ANKRD30B: variants seen among roughly 807,000 people sequenced by gnomAD.
ANKRD30B encodes the protein ankyrin repeat domain 30B, also known as ankyrin repeat domain-containing protein 30B.
In ANKRD30B, 144 loss-of-function variants were observed where a neutral mutation model predicts 202.2. The observed-to-expected ratio is 0.71, with a 90% CI of 0.62 to 0.82. The LOEUF is 0.82. Ranked by LOEUF, ANKRD30B falls within the 40% of genes least tolerant of loss-of-function variation. The pLI is 0.00. For synonymous variants in ANKRD30B, 508 were observed against 561.3 expected, an observed-to-expected ratio of 0.91 and a Z score of 1.34; for missense variants, 1,487 against 1,669.1, an observed-to-expected ratio of 0.89 and a Z score of 1.90.
At chr18:14,816,481 GA>G in intron 30 of ANKRD30B, 1 of 151,672 alleles carries the variant, frequency 6.6e-6, no homozygotes, top group Non-Finnish European at 1.5e-5. Flanking sequence ...CCGTCTCTAT[GA>G]AAAAATACAA....
the ANKRD30B span, among the ~76,000 whole-genome samples, chr18:14,929,744 G>A: frequency 6.6e-6 from 1 of 152,072 alleles, no homozygotes; most frequent in Non-Finnish European, 1.5e-5. Flanking sequence ...TCACCATTTG[G>A]GGATTGGTGG....
chr18:14,922,988 G>T, the ANKRD30B span, among the ~76,000 whole-genome samples: 9 of 152,162 alleles, frequency 5.9e-5, 1 homozygote, highest in African/African-American at 2.2e-4. Context: ...CCTGGAATAC[G>T]TATCTAGACA....
intron 32 of ANKRD30B, chr18:14,825,150 C>T (rs970728477): frequency 6.6e-6 from 1 of 152,214 alleles, no homozygotes; most frequent in African/African-American, 2.4e-5. Context: ...CAATGACTTA[C>T]TCGCTGCCTG....
chr18:14,867,062 G>C, the ANKRD30B span, among the ~76,000 whole-genome samples: 36 of 148,044 alleles, frequency 2.4e-4, no homozygotes, highest in African/African-American at 7.3e-4. Flanking sequence ...GTTGGGTGCA[G>C]TACCCCGGGC....
the ANKRD30B span, chr18:14,883,513 T>C: frequency 6.7e-6 from 1 of 148,450 alleles, no homozygotes; most frequent in Non-Finnish European, 1.5e-5. Flanking sequence ...ACCATTGAAA[T>C]CAATTGTTTT....
At chr18:14,835,227 CT>C (rs1971120635) in intron 34 of ANKRD30B, among the ~76,000 whole-genome samples, 1 of 151,658 alleles carries the variant, frequency 6.6e-6, no homozygotes, top group African/African-American at 2.4e-5. Context: ...AATTATTAAT[CT>C]CTAGAAATAC....
At chr18:14,847,461 G>T (rs1971697772) in intron 39 of ANKRD30B, among the ~76,000 whole-genome samples, 1 of 128,760 alleles carries the variant, frequency 7.8e-6, no homozygotes, top group Non-Finnish European at 1.6e-5. Flanking sequence ...ATTACCTGCT[G>T]GGAGTTTGCT....
chr18:14,922,881 G>C, the ANKRD30B span, among the ~76,000 whole-genome samples: 1 of 152,070 alleles, frequency 6.6e-6, no homozygotes, highest in South Asian at 2.1e-4. Context: ...GCTTGACAAG[G>C]GTAGAGGAAA....
At chr18:14,901,211 A>G in the ANKRD30B span, among the ~76,000 whole-genome samples, 3 of 152,190 alleles carry the variant, frequency 2.0e-5, no homozygotes, top group African/African-American at 4.8e-5. Flanking sequence ...TCATTCATAG[A>G]CAATATCGCT....
chr18:14,895,550 T>G, the ANKRD30B span, among the ~76,000 whole-genome samples: 1 of 152,202 alleles, frequency 6.6e-6, no homozygotes, highest in Non-Finnish European at 1.5e-5. Flanking sequence ...TGAAAACTTA[T>G]GTCCACACAA....
Position 14,805,612 on chromosome 18 carries a change from C to G in ANKRD30B, c.2284+1788C>G, listed in dbSNP as rs190536500. On this transcript the variant is annotated intron_variant, in intron 24 of 43. Coordinates refer to ENST00000690538, the MANE Select transcript of ANKRD30B (RefSeq NM_001367607.2). ...TCAAATCTACATTCAGCTGAACTCT[C>G]ATCCGAACTGTGTACTTTCTCAATG... is the stretch of plus-strand genomic sequence containing the variant. Among the ~76,000 whole-genome samples, 416 of 150,786 alleles carry G rather than the reference C, an allele frequency of 2.8e-3. 20 individuals are homozygous for G. Among genetic ancestry groups the G allele is most frequent in the African/African-American group, 9.1e-3 (373 of 40,846 alleles).
chr18:14,820,308 A>G (rs1359834359), intron 30 of ANKRD30B, among the ~76,000 whole-genome samples: 1 of 152,208 alleles, frequency 6.6e-6, no homozygotes, highest in Non-Finnish European at 1.5e-5. Flanking sequence ...TCGTTTGCAA[A>G]GAGGGACAAT....
chr18:14,849,227 C>T (rs1231615721), intron 40 of ANKRD30B, among the ~76,000 whole-genome samples: 1 of 151,808 alleles, frequency 6.6e-6, no homozygotes, highest in Non-Finnish European at 1.5e-5. Flanking sequence ...ATAAATGCTA[C>T]AAGACATAAC....
intron 11 of ANKRD30B, among the ~76,000 whole-genome samples, chr18:14,781,688 T>A (rs185709193): frequency 6.6e-6 from 1 of 152,308 alleles, no homozygotes; most frequent in African/African-American, 2.4e-5. Context: ...GAAAGATGAA[T>A]AAAGTACATT....
intron 16 of ANKRD30B, among the ~76,000 whole-genome samples, chr18:14,795,449 A>T (rs969765854): frequency 6.6e-6 from 1 of 152,172 alleles, no homozygotes; most frequent in Non-Finnish European, 1.5e-5. Flanking sequence ...CGCCCTCTTC[A>T]GGCGTCCAAG....
the ANKRD30B span, among the ~76,000 whole-genome samples, chr18:14,867,889 G>A: frequency 8.5e-5 from 13 of 152,342 alleles, no homozygotes; most frequent in South Asian, 2.5e-3. Context: ...GTCACTTTCT[G>A]CATCCTGTTG....
intron 7 of ANKRD30B, among the ~76,000 whole-genome samples, chr18:14,767,609 T>C (rs1468740673): frequency 6.6e-6 from 1 of 152,182 alleles, no homozygotes; most frequent in Non-Finnish European, 1.5e-5. Context: ...TATTTCTGGC[T>C]ATCTGACTAC....
At chr18:14,755,978 C>T (rs957396895) in intron 4 of ANKRD30B, among the ~76,000 whole-genome samples, 3 of 152,350 alleles carry the variant, frequency 2.0e-5, no homozygotes, top group African/African-American at 7.2e-5. Context: ...GGAATCGCCA[C>T]ACCGACTTCC....
At chr18:14,893,579 C>T in the ANKRD30B span, among the ~76,000 whole-genome samples, 2 of 151,922 alleles carry the variant, frequency 1.3e-5, no homozygotes, top group African/African-American at 2.4e-5. Context: ...CCATTGCACT[C>T]CAGCCTGGAC....
Sources: allele counts gnomAD v4.1 joint callset (sites outside exome capture counted in the v4.1 genomes callset), GRCh38; gene constraint gnomAD v4.1.1; transcripts MANE v1.5; gene names NCBI Gene and HGNC (gene_info 2026-07-23, HGNC 2026-07-21).